Variants in CLN5 observed in about 807,000 individuals in gnomAD.
CLN5 encodes bis(monoacylglycero)phosphate synthase CLN5.
In CLN5, 34 loss-of-function variants were observed where a neutral mutation model predicts 36.7. The observed-to-expected ratio is 0.93, with a 90% confidence interval of 0.71 to 1.23. The LOEUF is 1.23. CLN5 is among the 50% of genes most tolerant of loss of function. The pLI is 0.00. For synonymous variants in CLN5, 151 were observed against 155.1 expected (o/e 0.97, Z 0.20); for missense variants, 427 against 439.4 (o/e 0.97, Z 0.25).
At position 77,000,512 on chromosome 13, in the gene CLN5, TTTA is replaced by T; in HGVS notation, c.625_627del (p.Tyr209del). The T allele has an allele frequency of 6.2e-7, 1 of 1,613,818 alleles. No individual in the cohort carries two copies. Among genetic ancestry groups the T allele is most frequent in the Non-Finnish European group, 8.5e-7 (1 of 1,179,936 alleles). On this transcript the variant is annotated inframe_deletion, in exon 4 of 4. Coordinates refer to ENST00000377453, the MANE Select transcript of CLN5 (RefSeq NM_006493.4). ...GTGAAACAGGACAATGAAACAGGAA[TTTA>T]TTATGAGACATGGAATGTAAAAGCC... is the stretch of plus-strand genomic sequence containing the variant.
Position 76,992,238 on chromosome 13 carries a change from T to C in CLN5, c.140T>C (p.Ile47Thr). 2 of 1,587,052 alleles carry C rather than the reference T, an allele frequency of 1.3e-6. No individual in the cohort carries two copies. Among genetic ancestry groups the C allele is most frequent in the Non-Finnish European group, 1.7e-6 (2 of 1,172,656 alleles). ...VVPGWSRVSG[I>T]PSRRHWPVPY... Reference sequence around the variant, plus strand: ...CCGGGCTGGTCCCGGGTCTCGGGCATCCCCTCCCGGCGCCACTGGCCGGTG... The same window carrying C: ...CCGGGCTGGTCCCGGGTCTCGGGCACCCCCTCCCGGCGCCACTGGCCGGTG... Residue 47 changes from isoleucine to threonine, a missense_variant, in exon 1 of 4, where the codon ATC becomes ACC. By Grantham distance (89) the Ile-to-Thr change is moderately conservative (BLOSUM62 -1). Coordinates refer to ENST00000377453, the MANE Select transcript of CLN5 (RefSeq NM_006493.4).
Position 77,003,601 on chromosome 13 carries a change from TTAATTA to T in CLN5, c.*2636_*2641del, listed in dbSNP as rs1426479679. On this transcript the variant is annotated 3_prime_UTR_variant, in exon 4 of 4. Transcript: ENST00000377453. The stretch of plus-strand genomic sequence containing the variant: ...GCAATATGACTTAATGTGATTTACT[TTAATTA>T]TAACTTAAGTACAACTTAAATGCAG... 2.0e-5 allele frequency: 3 copies of T among 152,194 alleles called. No homozygotes were observed. The East Asian group carries it at 5.8e-4, about 29-fold the overall frequency. The allele number at this position is 152,194 out of a possible 1,614,324, so 9.4% of individuals were successfully genotyped here.
chr13:77,003,790 T>TA lies in CLN5; in HGVS notation c.*2822dup, dbSNP rs1488155628. 3 of 151,976 alleles carry TA rather than the reference T, an allele frequency of 2.0e-5. No individual in the cohort carries two copies. The highest frequency in any genetic ancestry group is 7.3e-5 in the African/African-American group (3 of 41,330). The allele number at this position is 151,976 out of a possible 1,614,324, so 9.4% of individuals were successfully genotyped here. On this transcript the variant is annotated 3_prime_UTR_variant, in exon 4 of 4. Coordinates refer to ENST00000377453, the MANE Select transcript of CLN5 (RefSeq NM_006493.4). ...GGTGAAACCCCGTCTCTACTGAAAA[T>TA]ACAAAAATTAGCTGGTTGTGGTGGA...
Position 77,000,654 on chromosome 13 carries a change from C to G in CLN5, c.762C>G (p.Thr254=), listed in dbSNP as rs1195593976. The G allele has an allele frequency of 3.7e-6, 6 of 1,613,924 alleles. No individual in the cohort carries two copies. Among genetic ancestry groups the G allele is most frequent in the Non-Finnish European group, 5.1e-6 (6 of 1,179,890 alleles). Reference sequence around the variant, plus strand: ...GAGCAGAGTTCAAGAACATAGAAACCAACTATACAAGAATATTTCTTTACA... The same window carrying G: ...GAGCAGAGTTCAAGAACATAGAAACGAACTATACAAGAATATTTCTTTACA... ...EFGAEFKNIE[T]NYTRIFLYSG... Residue 254 remains threonine (T), a synonymous_variant, in exon 4 of 4, where the codon ACC becomes ACG. Coordinates refer to ENST00000377453, the MANE Select transcript of CLN5 (RefSeq NM_006493.4).
Position 76,992,146 on chromosome 13 carries a change from C to G in CLN5, c.48C>G (p.Gly16=), listed in dbSNP as rs1448304779. 1.2e-6 allele frequency: 2 copies of G among 1,607,094 alleles called. No individual in the cohort carries two copies. Among genetic ancestry groups the G allele is most frequent in the Non-Finnish European group, 1.7e-6 (2 of 1,177,782 alleles). The change falls in exon 1 of 4, where the codon GGC becomes GGG. Residue 16 remains glycine (G), a synonymous_variant. Coordinates refer to ENST00000377453, the MANE Select transcript of CLN5 (RefSeq NM_006493.4). ...CACAGGGCGCCGAGATGCGGCGGGG[C>G]GCGGGCGCGGCTCGGGGACGCGCTT... ...DTAQGAEMRR[G]AGAARGRASW...
rs2034399710 is a variant in CLN5 at position 77,003,674 on chromosome 13, G to A, written c.*2705G>A. On this transcript the variant is annotated 3_prime_UTR_variant, in exon 4 of 4. Coordinates refer to ENST00000377453, the MANE Select transcript of CLN5 (RefSeq NM_006493.4). ...GTTATAGATGTAGGCTGGGTGCGGTGGCTTATGCCTGTAATCCTAACACAT... is the reference window on the plus strand; with the variant it reads ...GTTATAGATGTAGGCTGGGTGCGGTAGCTTATGCCTGTAATCCTAACACAT... 1.3e-5 allele frequency: 2 copies of A among 152,224 alleles called. No homozygotes were observed. Among genetic ancestry groups the A allele is most frequent in the East Asian group, 3.9e-4 (2 of 5,188 alleles). The allele number at this position is 152,224 out of a possible 1,614,324, so 9.4% of individuals were successfully genotyped here. A position where few individuals can be genotyped will look rare whatever the true frequency, so the allele number is the denominator to read the frequency against.
At chr13:76,993,452 T>TA (rs1269828916) in intron 1 of CLN5, 3 of 152,228 alleles carry the variant, frequency 2.0e-5, no homozygotes, top group Non-Finnish European at 4.4e-5. Flanking sequence ...AAAATGTTTG[T>TA]AAGAAGTCAA....
intron 1 of CLN5, 29 bp from the exon 2 acceptor site, chr13:76,995,034 T>C (rs774155856): frequency 1.9e-6 from 3 of 1,607,152 alleles, no homozygotes; most frequent in Non-Finnish European, 2.6e-6. Flanking sequence ...TTTTAGAATC[T>C]AAGTAGATGG....
rs760936678 is a variant in CLN5 at position 76,995,976 on chromosome 13, T to G, written c.414T>G (p.Leu138=). The change falls in exon 3 of 4, where the codon CTT becomes CTG. Residue 138 remains leucine (L), a synonymous_variant. Coordinates refer to ENST00000377453, the MANE Select transcript of CLN5 (RefSeq NM_006493.4). ...ACTACACAATGGAATGGTATGAACT[T>G]TTCCAACTTGGCAACTGTACATTTC... ...GKNYTMEWYE[L]FQLGNCTFPH... is the part of the protein sequence containing the mutation. 6.2e-7 allele frequency: 1 copy of G among 1,614,218 alleles called. No homozygotes were observed.
At position 77,004,608 on chromosome 13, in the gene CLN5, T is replaced by C. The variant is rs2034419554; in HGVS notation, c.*3639T>C. ...TAAAATTAAAACCAGCCCCACAAAC[T>C]GGGGTTGGAGTCTGTGCAAAGCTCA... is the stretch of plus-strand genomic sequence containing the variant. On this transcript the variant is annotated 3_prime_UTR_variant, in exon 4 of 4. Coordinates refer to ENST00000377453, the MANE Select transcript of CLN5 (RefSeq NM_006493.4). 1 of 152,006 alleles carries C rather than the reference T, an allele frequency of 6.6e-6. No individual in the cohort carries two copies. Among genetic ancestry groups the C allele is most frequent in the South Asian group, 2.1e-4 (1 of 4,830 alleles). 9.4% of individuals were successfully genotyped at this position (152,006 alleles called of 1,614,324 possible).
Position 77,003,354 on chromosome 13 carries a change from T to C in CLN5, c.*2385T>C, listed in dbSNP as rs968288885. On this transcript the variant is annotated 3_prime_UTR_variant, in exon 4 of 4. Transcript: ENST00000377453. The stretch of plus-strand genomic sequence containing the variant: ...GATTTTTCATTGTTCCTAAGAATCT[T>C]AATTAAATGAAGACAGAAAGCATCA... 5 of 152,112 alleles carry C rather than the reference T, an allele frequency of 3.3e-5. No individual in the cohort carries two copies. The highest frequency in any genetic ancestry group is 1.2e-4 in the African/African-American group (5 of 41,390). The allele number at this position is 152,112 out of a possible 1,614,324, so 9.4% of individuals were successfully genotyped here.
At chr13:76,992,360 T>A in intron 1 of CLN5, 89 bp downstream of exon 1, 3 of 1,373,872 alleles carry the variant, frequency 2.2e-6, no homozygotes, top group Non-Finnish European at 2.9e-6. Flanking sequence ...CTGCTCACCG[T>A]GGTTTGTGTC....
rs909662357 is a variant in CLN5, at chr13:77,002,601, GA to G, written c.*1636del. 6.6e-6 allele frequency: 1 copy of G among 151,700 alleles called. No homozygotes were observed. The highest frequency in any genetic ancestry group is 2.4e-5 in the African/African-American group (1 of 41,242). The allele number at this position is 151,700 out of a possible 1,614,324, so 9.4% of individuals were successfully genotyped here. On this transcript the variant is annotated 3_prime_UTR_variant, in exon 4 of 4. Coordinates refer to ENST00000377453, the MANE Select transcript of CLN5 (RefSeq NM_006493.4). ...TTCAACTGTAGTCCCACAACAGTCTGAAAATAACCCAGTCACCAGATATCTT... is the reference window on the plus strand; with the variant it reads ...TTCAACTGTAGTCCCACAACAGTCTGAAATAACCCAGTCACCAGATATCTT...
chr13:77,002,904 TG>T lies in CLN5; in HGVS notation c.*1937del, dbSNP rs2034387084. On this transcript the variant is annotated 3_prime_UTR_variant, in exon 4 of 4. Transcript: ENST00000377453. ...AGACAAAGATTCTTGTACCAAGTTTTGGTCAACTGCAAATCAAAGAACTTGG... is the reference window on the plus strand; with the variant it reads ...AGACAAAGATTCTTGTACCAAGTTTTGTCAACTGCAAATCAAAGAACTTGG... 6.6e-6 allele frequency: 1 copy of T among 152,218 alleles called. No homozygotes were observed. The highest frequency in any genetic ancestry group is 2.1e-4 in the South Asian group (1 of 4,828). The allele number at this position is 152,218 out of a possible 1,614,324, so 9.4% of individuals were successfully genotyped here.
At chr13:76,999,954 G>A (rs1190695189) in intron 3 of CLN5, 2 of 152,096 alleles carry the variant, frequency 1.3e-5, no homozygotes, top group Non-Finnish European at 2.9e-5. Flanking sequence ...TTGAAGAATG[G>A]AATAAAATTG....
Position 76,995,946 on chromosome 13 carries a change from C to A in CLN5, c.384C>A (p.Gly128=). The change falls in exon 3 of 4, where the codon GGC becomes GGA. Residue 128 remains glycine (G), a synonymous_variant. Transcript: ENST00000377453. The part of the protein sequence containing the change: ...DAIGFRSTLT[G]KNYTMEWYEL... Reference sequence around the variant, plus strand: ...TTGGATTCAGAAGTACATTAACTGGCAAGAACTACACAATGGAATGGTATG... The same window carrying A: ...TTGGATTCAGAAGTACATTAACTGGAAAGAACTACACAATGGAATGGTATG... The A allele has an allele frequency of 1.2e-6, 2 of 1,614,208 alleles. No individual in the cohort carries two copies. Among genetic ancestry groups the A allele is most frequent in the Non-Finnish European group, 1.7e-6 (2 of 1,180,024 alleles).
intron 1 of CLN5, chr13:76,994,807 T>C (rs747205896): frequency 5.6e-5 from 22 of 393,268 alleles, no homozygotes; most frequent in African/African-American, 1.0e-4. Flanking sequence ...TAAGACAAAA[T>C]TCCTGTCTTC....
chr13:76,994,779 C>A lies in CLN5; in HGVS notation c.174-284C>A, dbSNP rs7984162. The A allele has an allele frequency of 3.3e-3, 1,168 of 352,672 alleles. 8 individuals carry two copies. The highest frequency in any genetic ancestry group is 0.022 in the African/African-American group (1,016 of 46,986). The allele number at this position is 352,672 out of a possible 1,614,324, so 21.8% of individuals were successfully genotyped here. A position where few individuals can be genotyped will look rare whatever the true frequency, so the allele number is the denominator to read the frequency against. On this transcript the variant is annotated intron_variant, in intron 1 of 3. Coordinates refer to ENST00000377453, the MANE Select transcript of CLN5 (RefSeq NM_006493.4). ...AACATTTGCAAATGTCTACTATGAT[C>A]TGGAGCTATAAAAATTTTAAGACAA...
At position 76,992,178 on chromosome 13, in the gene CLN5, G is replaced by C; in HGVS notation, c.80G>C (p.Cys27Ser). 2 of 1,605,736 alleles carry C rather than the reference G, an allele frequency of 1.2e-6. No homozygotes were observed. Among genetic ancestry groups the C allele is most frequent in the Non-Finnish European group, 1.7e-6 (2 of 1,178,102 alleles). ...GCGGCTCGGGGACGCGCTTCCTGGT[G>C]CTGGGCCCTGGCGCTGCTTTGGCTC... ...AGAARGRASW[C>S]WALALLWLAV... The change falls in exon 1 of 4, where the codon TGC (cysteine) becomes TCC (serine). Residue 27 changes from cysteine to serine, a missense_variant. Coordinates refer to ENST00000377453, the MANE Select transcript of CLN5 (RefSeq NM_006493.4).
Sources: gnomAD v4.1 joint callset for allele counts on GRCh38, gnomAD v4.1.1 for gene constraint, MANE v1.5 for transcripts, NCBI Gene and HGNC (gene_info 2026-07-23, HGNC 2026-07-21) for gene names.